Variants in SDK1 observed in about 807,000 individuals in gnomAD.
SDK1 encodes sidekick cell adhesion molecule 1, also known as protein sidekick-1.
SDK1 carries 157 observed loss-of-function variants against 245.5 expected under a neutral mutation model. The ratio of observed to expected loss-of-function variants is 0.64; its 90% CI spans 0.56 to 0.73. SDK1 has a LOEUF of 0.73. Among genes scored for constraint, SDK1 ranks in the 30% least tolerant of loss-of-function variants. SDK1 has a pLI of 0.00. For missense variants in SDK1, 3,583 were observed against 3,002.3 expected (o/e 1.19, Z -4.52); for synonymous variants, 1,647 against 1,278.5 (o/e 1.29, Z -6.15).
intron 5 of SDK1, among the ~76,000 whole-genome samples, chr7:3,845,531 A>T (rs1213837938): frequency 6.7e-6 from 1 of 150,222 alleles, no homozygotes; most frequent in African/African-American, 2.5e-5. Flanking sequence ...AGAAAAGAGC[A>T]AGATGTGGAG....
intron 2 of SDK1, among the ~76,000 whole-genome samples, chr7:3,632,257 T>C (rs1216448096): frequency 6.6e-6 from 1 of 152,182 alleles, no homozygotes; most frequent in Non-Finnish European, 1.5e-5. Context: ...CTGCCCCTGA[T>C]TTAATAAGGA....
rs563788394 is a variant in SDK1, at chr7:3,974,634, G to A, written c.1994+89G>A. On this transcript the variant is annotated intron_variant, in intron 13 of 44. Coordinates refer to ENST00000404826, the MANE Select transcript of SDK1 (RefSeq NM_152744.4). Reference sequence around the variant, plus strand: ...GTGACTGCCACTTCACAAGTGTCACGCCCGGCTTGTGTCCCAAGTCAGCGG... The same window carrying A: ...GTGACTGCCACTTCACAAGTGTCACACCCGGCTTGTGTCCCAAGTCAGCGG... 8.4e-5 allele frequency: 109 copies of A among 1,294,522 alleles called. No individual in the cohort carries two copies. The African/African-American group carries it at 9.3e-4, about 11-fold the overall frequency. 80.2% of individuals were successfully genotyped at this position (1,294,522 alleles called of 1,614,324 possible).
chr7:4,052,685 G>T (rs928511357), intron 19 of SDK1, among the ~76,000 whole-genome samples: 1 of 152,104 alleles, frequency 6.6e-6, no homozygotes, highest in Non-Finnish European at 1.5e-5. Context: ...TTTAAGACTT[G>T]TTATCCCTAT....
rs192467077 is a variant in SDK1, at chr7:3,550,541, C to T, written c.299-68539C>T. 5.3e-4 allele frequency among the ~76,000 whole-genome samples: 81 copies of T among 152,282 alleles called. No individual in the cohort carries two copies. In the East Asian group the frequency reaches 0.015, roughly 28 times the overall value. ...CTGTGCTGACTGTCTGCAGTGTGTG[C>T]CGTGGAATACTTCTTTGCCTATTTA... On this transcript the variant is annotated intron_variant, in intron 1 of 44. Transcript: ENST00000404826.
At chr7:4,232,293 G>T (rs1358703967) in intron 40 of SDK1, among the ~76,000 whole-genome samples, 1 of 151,178 alleles carries the variant, frequency 6.6e-6, no homozygotes. Context: ...GCTTTGCAAA[G>T]AGGCTGTCTA....
intron 2 of SDK1, among the ~76,000 whole-genome samples, chr7:3,628,651 C>A (rs1782192185): frequency 6.6e-6 from 1 of 152,198 alleles, no homozygotes; most frequent in Non-Finnish European, 1.5e-5. Flanking sequence ...TGGCTGAGTC[C>A]TGTCTTCCTC....
Position 3,439,243 on chromosome 7 carries a change from A to G in SDK1, c.298+137359A>G, listed in dbSNP as rs73671821. 6.2e-3 allele frequency among the ~76,000 whole-genome samples: 948 copies of G among 152,292 alleles called. 8 individuals are homozygous for G. Among genetic ancestry groups the G allele is most frequent in the African/African-American group, 0.022 (906 of 41,544 alleles). ...GACACAATATAGTTAACCTATTTAGATAAATAAACTCTTTTATTTCCCCTG... is the reference window on the plus strand; with the variant it reads ...GACACAATATAGTTAACCTATTTAGGTAAATAAACTCTTTTATTTCCCCTG... On this transcript the variant is annotated intron_variant, in intron 1 of 44. Coordinates refer to ENST00000404826, the MANE Select transcript of SDK1 (RefSeq NM_152744.4).
In SDK1 at chr7:4,245,709, C is replaced by T. The variant is rs778872947; in HGVS notation, c.6285C>T (p.His2095=). The T allele has an allele frequency of 3.1e-6, 5 of 1,614,104 alleles. No homozygotes were observed. Among genetic ancestry groups the T allele is most frequent in the African/African-American group, 2.7e-5 (2 of 75,046 alleles). The change falls in exon 44 of 45, where the codon CAC becomes CAT. Residue 2095 remains histidine, a synonymous_variant. Coordinates refer to ENST00000404826, the MANE Select transcript of SDK1 (RefSeq NM_152744.4). ...CCCGGCCTAGCCCCGGCGGCCTGCA[C>T]TACTCAGACGAGGACATCTGCAACA... ...SPPRPSPGGL[H]YSDEDICNKY... is the part of the protein sequence containing the mutation.
chr7:3,721,812 A>G, intron 4 of SDK1, among the ~76,000 whole-genome samples: 1 of 152,218 alleles, frequency 6.6e-6, no homozygotes, highest in Middle Eastern at 3.2e-3. Context: ...GCTCCATTCT[A>G]CTAGGGCTTA....
rs76242791 is a variant in SDK1 at position 3,774,858 on chromosome 7, A to G, written c.714-46592A>G. On this transcript the variant is annotated intron_variant, in intron 4 of 44. Coordinates refer to ENST00000404826, the MANE Select transcript of SDK1 (RefSeq NM_152744.4). ...CATGATCCTACAAGTCTGACAAACCATGCTGTGACTACTTCTAATTGGGAC... is the reference window on the plus strand; with the variant it reads ...CATGATCCTACAAGTCTGACAAACCGTGCTGTGACTACTTCTAATTGGGAC... 3.2e-3 allele frequency among the ~76,000 whole-genome samples: 482 copies of G among 152,330 alleles called. 4 individuals carry two copies. The highest frequency in any genetic ancestry group is 0.011 in the African/African-American group (438 of 41,562).
chr7:3,816,323 G>T (rs1459654826), intron 4 of SDK1, among the ~76,000 whole-genome samples: 1 of 150,662 alleles, frequency 6.6e-6, no homozygotes, highest in Admixed American at 6.6e-5. Flanking sequence ...TTTTTGAAAG[G>T]ATCAACAAAA....
intron 1 of SDK1, among the ~76,000 whole-genome samples, chr7:3,335,212 A>C (rs1780168573): frequency 6.6e-6 from 1 of 152,156 alleles, no homozygotes; most frequent in Non-Finnish European, 1.5e-5. Flanking sequence ...CTTAGATTAT[A>C]AATACTATTG....
At chr7:3,509,440 C>G (rs1449113948) in intron 1 of SDK1, among the ~76,000 whole-genome samples, 7 of 152,080 alleles carry the variant, frequency 4.6e-5, no homozygotes, top group Admixed American at 4.6e-4. Flanking sequence ...TAATACACAC[C>G]TTCTTAGAGG....
chr7:3,601,129 T>G (rs1161958702), intron 1 of SDK1, among the ~76,000 whole-genome samples: 1 of 152,168 alleles, frequency 6.6e-6, no homozygotes, highest in Non-Finnish European at 1.5e-5. Context: ...TTTGCTAATA[T>G]TTTGTTGAAG....
In SDK1 at chr7:4,265,546, A is replaced by T; in HGVS notation, c.*162A>T. ...TACTTGTGGACACTAGATTTCAATT[A>T]GGAAGGTTTTTTTAAACGGCTTTTT... On this transcript the variant is annotated 3_prime_UTR_variant, in exon 45 of 45. Transcript: ENST00000404826. The T allele has an allele frequency of 1.5e-6, 2 of 1,342,928 alleles. No individual in the cohort carries two copies. Among genetic ancestry groups the T allele is most frequent in the South Asian group, 4.2e-5 (2 of 47,792 alleles). The allele number at this position is 1,342,928 out of a possible 1,614,324, so 83.2% of individuals were successfully genotyped here. A position where few individuals can be genotyped will look rare whatever the true frequency, so the allele number is the denominator to read the frequency against.
intron 9 of SDK1, among the ~76,000 whole-genome samples, chr7:3,966,316 T>C (rs932932848): frequency 1.3e-5 from 2 of 151,946 alleles, no homozygotes; most frequent in Non-Finnish European, 2.9e-5. Flanking sequence ...TCCCGTGAGG[T>C]CTACTCACTT....
chr7:4,204,957 G>T (rs1470059224), intron 35 of SDK1, among the ~76,000 whole-genome samples: 1 of 91,074 alleles, frequency 1.1e-5, no homozygotes, highest in South Asian at 3.4e-4. Context: ...CTAAATGGCT[G>T]TGTGGTGAGG....
chr7:4,179,790 G>A (rs148511529), intron 35 of SDK1, among the ~76,000 whole-genome samples: 37 of 152,014 alleles, frequency 2.4e-4, no homozygotes, highest in Admixed American at 5.2e-4. Flanking sequence ...TGCGGACGGC[G>A]GCCATGGCAG....
chr7:3,681,810 A>G (rs955407394), intron 4 of SDK1, among the ~76,000 whole-genome samples: 9 of 152,174 alleles, frequency 5.9e-5, no homozygotes, highest in East Asian at 1.9e-4. Context: ...TTCCTTTCAC[A>G]TGAATTGGAT....
Sources: allele counts gnomAD v4.1 joint callset (sites outside exome capture counted in the v4.1 genomes callset), GRCh38; gene constraint gnomAD v4.1.1; transcripts MANE v1.5; gene names NCBI Gene and HGNC (gene_info 2026-07-23, HGNC 2026-07-21).